AHNAK2: variants seen among roughly 807,000 people sequenced by gnomAD.
AHNAK2 encodes the protein AHNAK nucleoprotein 2, also known as protein AHNAK2.
Under a neutral mutation model 30.7 loss-of-function variants are expected in AHNAK2, and 18 were observed. The observed-to-expected ratio is 0.59, with a 90% CI of 0.41 to 0.87. The LOEUF is 0.87. Among genes scored for constraint, AHNAK2 ranks in the 40% least tolerant of loss-of-function variants. The pLI is 0.00. For synonymous variants in AHNAK2, 3,590 were observed against 3,073.8 expected (o/e 1.17, Z -5.56); for missense variants, 8,604 against 7,373.0 (o/e 1.17, Z -6.11).
rs1162964165 is a variant in AHNAK2 at position 104,937,553 on chromosome 14, A to G, written c.*510T>C. 1 of 152,994 alleles carries G rather than the reference A, an allele frequency of 6.5e-6. No homozygotes were observed. The highest frequency in any genetic ancestry group is 1.9e-4 in the East Asian group (1 of 5,216). 9.5% of individuals were successfully genotyped at this position (152,994 alleles called of 1,614,324 possible). ...TTGCCATTAGTGAGGCATTCAACAA[A>G]GAAGTAAGCTAAGTGAGTAGGAAAC... On this transcript the variant is annotated 3_prime_UTR_variant, in exon 7 of 7. Coordinates refer to ENST00000333244, the MANE Select transcript of AHNAK2 (RefSeq NM_138420.4).
Position 104,942,616 on chromosome 14 carries a change from G to A in AHNAK2, c.12835C>T (p.Arg4279Trp), listed in dbSNP as rs536680955. Residue 4279 changes from arginine to tryptophan, a missense_variant, in exon 7 of 7, where the codon CGG (arginine) becomes TGG (tryptophan). Arg to Trp is a moderately radical substitution (Grantham distance 101, BLOSUM62 -3). Transcript: ENST00000333244. ...EAPGAKLDSV[R>W]LEGDLSLADK... ...GCTAGGGACAGGTCACCCTCCAGCC[G>A]CACACTGTCCAGCTTGGCTCCCGGG... is the stretch of plus-strand genomic sequence containing the variant. 74 of 1,613,246 alleles carry A rather than the reference G, an allele frequency of 4.6e-5. 1 individual carries two copies. Among genetic ancestry groups the A allele is most frequent in the Middle Eastern group, 3.3e-4 (2 of 6,054 alleles).
At chr14:104,963,794 C>T (rs1899220817) in intron 1 of AHNAK2, among the ~76,000 whole-genome samples, 1 of 147,884 alleles carries the variant, frequency 6.8e-6, no homozygotes, top group African/African-American at 2.5e-5. Context: ...TGCGCCACTG[C>T]ACTCCAGCCT....
In AHNAK2 at chr14:104,948,067, C is replaced by A; in HGVS notation, c.7384G>T (p.Gly2462Cys). ...DVEAPGAKLD[G>C]AWLEGDLSVA... ...GACAGGTCCCCCTCCAGCCACGCAC[C>A]ATCCAGCTTGGCTCCCGGGGCCTCG... Residue 2462 changes from glycine to cysteine, a missense_variant, in exon 7 of 7, where the codon GGT becomes TGT. Coordinates refer to ENST00000333244, the MANE Select transcript of AHNAK2 (RefSeq NM_138420.4). 1 of 1,612,922 alleles carries A rather than the reference C, an allele frequency of 6.2e-7. No homozygotes were observed. The highest frequency in any genetic ancestry group is 8.5e-7 in the Non-Finnish European group (1 of 1,179,690).
In AHNAK2 at chr14:104,948,642, A is replaced by T. The variant is rs528560259; in HGVS notation, c.6809T>A (p.Val2270Glu). ...CTCCACATCAGGGGCTGTCACTTCC[A>T]CCTTGGGGTCTTTTAGGTCCAGCTT... The part of the protein sequence containing the change: ...GPKLDLKDPK[V>E]EVTAPDVEVS... The change falls in exon 7 of 7, where the codon GTG becomes GAG. Residue 2270 changes from valine to glutamate, a missense_variant. Physicochemically the swap from Val to Glu is moderately radical, Grantham distance 121. Coordinates refer to ENST00000333244, the MANE Select transcript of AHNAK2 (RefSeq NM_138420.4). 4 of 1,609,654 alleles carry T rather than the reference A, an allele frequency of 2.5e-6. No individual in the cohort carries two copies. The Admixed American group carries it at 6.7e-5, about 27-fold the overall frequency.
At chr14:104,963,134 A>T (rs1398589556) in intron 1 of AHNAK2, among the ~76,000 whole-genome samples, 2 of 152,236 alleles carry the variant, frequency 1.3e-5, no homozygotes, top group African/African-American at 4.8e-5. Flanking sequence ...GAAGAGAAAA[A>T]GCTCAGCTAA....
rs745434735 is a variant in AHNAK2, at chr14:104,944,894, A to C, written c.10557T>G (p.Thr3519=). 28 of 1,612,926 alleles carry C rather than the reference A, an allele frequency of 1.7e-5. No individual in the cohort carries two copies. Among genetic ancestry groups the C allele is most frequent in the African/African-American group, 4.0e-5 (3 of 74,710 alleles). ...LSSMQGDLKA[T]DLSIQPPSAD... is the part of the protein sequence containing the mutation. Reference sequence around the variant, plus strand: ...CGGAAGGGGGCTGAATGCTGAGGTCAGTGGCCTTGAGGTCCCCCTGCATGG... The same window carrying C: ...CGGAAGGGGGCTGAATGCTGAGGTCCGTGGCCTTGAGGTCCCCCTGCATGG... Residue 3519 remains threonine (T), a synonymous_variant, in exon 7 of 7, where the codon ACT becomes ACG. Coordinates refer to ENST00000333244, the MANE Select transcript of AHNAK2 (RefSeq NM_138420.4).
chr14:104,951,618 T>C lies in AHNAK2; in HGVS notation c.3833A>G (p.His1278Arg), dbSNP rs757563020. The C allele has an allele frequency of 8.0e-7, 1 of 1,244,634 alleles. No individual in the cohort carries two copies. The highest frequency in any genetic ancestry group is 2.3e-5 in the East Asian group (1 of 44,380). 77.1% of individuals were successfully genotyped at this position (1,244,634 alleles called of 1,614,324 possible). A position where few individuals can be genotyped will look rare whatever the true frequency, so the allele number is the denominator to read the frequency against. Residue 1278 changes from histidine (H) to arginine (R), a missense_variant, in exon 7 of 7, where the codon CAT (histidine) becomes CGT (arginine). Transcript: ENST00000333244. Reference protein sequence around the residue: ...VRGPKLDLKGHKAEVTAHEVA... With the variant: ...VRGPKLDLKGRKAEVTAHEVA... ...TTCGTGGGCCGTCACCTCTGCCTTA[T>C]GACCTTTCAGGTCCAGCTTGGGGCC...
Position 104,966,060 on chromosome 14 carries a change from C to T in AHNAK2, c.56-8388G>A, listed in dbSNP as rs1031042362. Reference sequence around the variant, plus strand: ...CCTTGCCCTTCTGCAAGATGGCTCACAGCCCAGGTCCCCTCTGGCTCTGCT... The same window carrying T: ...CCTTGCCCTTCTGCAAGATGGCTCATAGCCCAGGTCCCCTCTGGCTCTGCT... On this transcript the variant is annotated intron_variant, in intron 1 of 6. Coordinates refer to ENST00000333244, the MANE Select transcript of AHNAK2 (RefSeq NM_138420.4). This position sits in a 1 kb window ranked among gnomAD's most constrained non-coding sequence, Gnocchi z 4.3. 7.9e-5 allele frequency among the ~76,000 whole-genome samples: 12 copies of T among 152,222 alleles called. No homozygotes were observed. The highest frequency in any genetic ancestry group is 2.7e-4 in the African/African-American group (11 of 41,454).
chr14:104,955,814 G>A (rs1352739118), intron 4 of AHNAK2, among the ~76,000 whole-genome samples, 181 bp from the exon 5 acceptor site: 2 of 152,214 alleles, frequency 1.3e-5, no homozygotes, highest in South Asian at 2.1e-4. Flanking sequence ...GAGCTCTGGA[G>A]GAAGCCAGCT....
rs754682906 is a variant in AHNAK2, at chr14:104,944,585, T to A, written c.10866A>T (p.Gly3622=). 3 of 1,608,588 alleles carry A rather than the reference T, an allele frequency of 1.9e-6. No individual in the cohort carries two copies. In the Admixed American group the frequency reaches 5.1e-5, roughly 27 times the overall value. The change falls in exon 7 of 7, where the codon GGA becomes GGT. Residue 3622 remains glycine (G), a synonymous_variant. Transcript: ENST00000333244. ...CGTCCTTGTCAGCCAGGGACAGGTC[T>A]CCCTCCAGCCGCCCAGCATCCAGCT... The part of the protein sequence containing the change: ...KAKLDAGRLE[G]DLSLADKDVT...
rs748358 is a variant in AHNAK2, at chr14:104,938,256, G to C, written c.17195C>G (p.Thr5732Arg). 1 of 1,613,838 alleles carries C rather than the reference G, an allele frequency of 6.2e-7. No homozygotes were observed. Among genetic ancestry groups the C allele is most frequent in the Non-Finnish European group, 8.5e-7 (1 of 1,179,856 alleles). ...EEQKLQEETITFFDARESFSP... is the reference protein window; with the variant it reads ...EEQKLQEETIRFFDARESFSP... ...GAAACTTTCTCGGGCATCAAAAAAC[G>C]TGATTGTTTCTTCTTGAAGTTTTTG... Residue 5732 changes from threonine to arginine, a missense_variant, in exon 7 of 7, where the codon ACG becomes AGG. Transcript: ENST00000333244.
chr14:104,957,076 C>A (rs1471180920), intron 3 of AHNAK2, among the ~76,000 whole-genome samples: 2 of 152,224 alleles, frequency 1.3e-5, no homozygotes, highest in East Asian at 3.8e-4. Context: ...AGCCATGGGG[C>A]CCTGTCCCCA....
chr14:104,943,795 G>GGAC lies in AHNAK2; in HGVS notation c.11655_11656insGTC (p.His3885_Leu3886insVal). Reference sequence around the variant, plus strand: ...AAACTGGGCATCTGCACCTTGGGCAGGTGTCCTTTGAGGCCGGCTTCCTCG... The same window carrying GGAC: ...AAACTGGGCATCTGCACCTTGGGCAGGACGTGTCCTTTGAGGCCGGCTTCCTCG... On this transcript the variant is annotated inframe_insertion, in exon 7 of 7. Coordinates refer to ENST00000333244, the MANE Select transcript of AHNAK2 (RefSeq NM_138420.4). 2 of 1,613,346 alleles carry GGAC rather than the reference G, an allele frequency of 1.2e-6. No individual in the cohort carries two copies. Among genetic ancestry groups the GGAC allele is most frequent in the Non-Finnish European group, 1.7e-6 (2 of 1,179,648 alleles).
At position 104,941,176 on chromosome 14, in the gene AHNAK2, T is replaced by A. The variant is rs756827624; in HGVS notation, c.14275A>T (p.Met4759Leu). The A allele has an allele frequency of 6.2e-7, 1 of 1,613,536 alleles. No individual in the cohort carries two copies. The highest frequency in any genetic ancestry group is 8.5e-7 in the Non-Finnish European group (1 of 1,179,880). The change falls in exon 7 of 7, where the codon ATG becomes TTG. Residue 4759 changes from methionine (M) to leucine (L), a missense_variant. Met to Leu is a conservative substitution (Grantham distance 15). Transcript: ENST00000333244. ...VSACSEPSMQ[M>L]PKVGFAGFPS... Reference sequence around the variant, plus strand: ...AACCCAGCAAAACCCACCTTAGGCATCTGCATGGATGGCTCTGAACAAGCC... The same window carrying A: ...AACCCAGCAAAACCCACCTTAGGCAACTGCATGGATGGCTCTGAACAAGCC...
At position 104,944,463 on chromosome 14, in the gene AHNAK2, A is replaced by G. The variant is rs1310362204; in HGVS notation, c.10988T>C (p.Val3663Ala). Reference sequence around the variant, plus strand: ...ATCGGCTTCCACCTTGGGTGCAGACACATCCACCGAGGCCTCCATGGACTT... The same window carrying G: ...ATCGGCTTCCACCTTGGGTGCAGACGCATCCACCGAGGCCTCCATGGACTT... ...PGKSMEASVDVSAPKVEADVS... is the reference protein window; with the variant it reads ...PGKSMEASVDASAPKVEADVS... Residue 3663 changes from valine to alanine, a missense_variant, in exon 7 of 7, where the codon GTG becomes GCG. Coordinates refer to ENST00000333244, the MANE Select transcript of AHNAK2 (RefSeq NM_138420.4). 1 of 1,612,966 alleles carries G rather than the reference A, an allele frequency of 6.2e-7. No individual in the cohort carries two copies. The highest frequency in any genetic ancestry group is 1.3e-5 in the African/African-American group (1 of 74,650).
rs1048513859 is a variant in AHNAK2, at chr14:104,970,527, G to A, written c.55+7656C>T. 205 of 985,474 alleles carry A rather than the reference G, an allele frequency of 2.1e-4. 1 individual carries two copies. In the African/African-American group the frequency reaches 3.2e-3, roughly 15 times the overall value. 61.0% of individuals were successfully genotyped at this position (985,474 alleles called of 1,614,324 possible). On this transcript the variant is annotated intron_variant, in intron 1 of 6. Coordinates refer to ENST00000333244, the MANE Select transcript of AHNAK2 (RefSeq NM_138420.4). ...CCAACTGGCCACCTCCCCCTGCCAC[G>A]CCCGGTTCTTCCCTCCACAGCTCCT...
In AHNAK2 at chr14:104,938,907, G is replaced by A. The variant is rs757019628; in HGVS notation, c.16544C>T (p.Ser5515Leu). ...CACTTTTAATAAGGAAAATCCGTAC[G>A]AAGGTGTTTGAATCTCTGACGTGGG... ...EIPTSEIQTPSYGFSLLKVKI... is the reference protein window; with the variant it reads ...EIPTSEIQTPLYGFSLLKVKI... Residue 5515 changes from serine (S) to leucine (L), a missense_variant, in exon 7 of 7, where the codon TCG (serine) becomes TTG (leucine). Coordinates refer to ENST00000333244, the MANE Select transcript of AHNAK2 (RefSeq NM_138420.4). The A allele has an allele frequency of 6.7e-5, 108 of 1,613,540 alleles. No individual in the cohort carries two copies. The East Asian group carries it at 1.1e-3, about 16-fold the overall frequency.
At position 104,938,703 on chromosome 14, in the gene AHNAK2, A is replaced by C; in HGVS notation, c.16748T>G (p.Val5583Gly). 2 of 1,613,376 alleles carry C rather than the reference A, an allele frequency of 1.2e-6. No homozygotes were observed. ...PFEMISSSVN[V>G]LGQQTLTFEV... ...AAATGTGAGTGTTTGCTGTCCCAGTACATTGACGCTGGAAGAGATCATCTC... is the reference window on the plus strand; with the variant it reads ...AAATGTGAGTGTTTGCTGTCCCAGTCCATTGACGCTGGAAGAGATCATCTC... The change falls in exon 7 of 7, where the codon GTA (valine) becomes GGA (glycine). Residue 5583 changes from valine to glycine, a missense_variant. By Grantham distance (109) the Val-to-Gly change is moderately radical (BLOSUM62 -3). Transcript: ENST00000333244.
chr14:104,955,973 G>T (rs1898962502), intron 4 of AHNAK2, among the ~76,000 whole-genome samples: 1 of 123,522 alleles, frequency 8.1e-6, no homozygotes. Flanking sequence ...GCTCCTTCAT[G>T]CATTCTTCAC....
Sources: allele counts gnomAD v4.1 joint callset (sites outside exome capture counted in the v4.1 genomes callset), GRCh38; gene constraint gnomAD v4.1.1; non-coding constraint Gnocchi (gnomAD v3.1); transcripts MANE v1.5; gene names NCBI Gene and HGNC (gene_info 2026-07-23, HGNC 2026-07-21).